The following SGMS1 variants were observed in gnomAD, a reference collection of about 807,000 sequenced individuals.
SGMS1 encodes phosphatidylcholine:ceramide cholinephosphotransferase 1.
Under a neutral mutation model 46.2 loss-of-function variants are expected in SGMS1, and 13 were observed. The ratio of observed to expected loss-of-function variants is 0.28; its 90% CI spans 0.18 to 0.45. SGMS1 has a LOEUF of 0.45. Ranked by LOEUF, SGMS1 falls within the 20% of genes least tolerant of loss-of-function variation. The pLI is 1.00. For missense variants in SGMS1, 324 were observed against 519.9 expected, an observed-to-expected ratio of 0.62 and a Z score of 3.66; for synonymous variants, 203 against 187.8, an observed-to-expected ratio of 1.08 and a Z score of -0.66.
chr10:50,358,310 A>G (rs550897399), intron 6 of SGMS1, among the ~76,000 whole-genome samples: 2 of 152,352 alleles, frequency 1.3e-5, no homozygotes, highest in East Asian at 3.9e-4. Flanking sequence ...TTAAAGGGCA[A>G]TACAAATCAA....
chr10:50,475,144 A>C (rs978588), intron 3 of SGMS1, among the ~76,000 whole-genome samples: 88,813 of 152,034 alleles, frequency 0.58, 26,026 homozygotes, highest in Admixed American at 0.67. Flanking sequence ...GTCAGTAATT[A>C]CAAATAATTC....
intron 6 of SGMS1, among the ~76,000 whole-genome samples, chr10:50,351,530 T>C (rs1378576435): frequency 6.6e-6 from 1 of 152,186 alleles, no homozygotes; most frequent in Admixed American, 6.5e-5. Context: ...TTCCCATGTA[T>C]TGTGACAGGG....
chr10:50,435,512 G>A (rs1435779478), intron 5 of SGMS1, among the ~76,000 whole-genome samples: 2 of 152,158 alleles, frequency 1.3e-5, no homozygotes, highest in Admixed American at 6.5e-5. Context: ...CTGATGAAAT[G>A]TTCAATACAA....
chr10:50,608,864 A>G (rs1365827283), intron 1 of SGMS1, among the ~76,000 whole-genome samples: 4 of 152,206 alleles, frequency 2.6e-5, no homozygotes, highest in African/African-American at 7.2e-5. Context: ...ATCATATAAG[A>G]TGGCATGATA....
Position 50,476,097 on chromosome 10 carries a change from CA to C in SGMS1, c.-497-9166del, listed in dbSNP as rs58641986. 7.5e-3 allele frequency among the ~76,000 whole-genome samples: 324 copies of C among 43,292 alleles called. 1 individual carries two copies. Among genetic ancestry groups the C allele is most frequent in the African/African-American group, 0.024 (289 of 12,218 alleles). 28.4% of individuals were successfully genotyped at this position (43,292 alleles called of 152,430 possible). A position where few individuals can be genotyped will look rare whatever the true frequency, so the allele number is the denominator to read the frequency against. ...TAAAATCTTGTCTTTACTAAAAATA[CA>C]AAAAAAAAAAAAAAAAAAAAAAAAA... On this transcript the variant is annotated intron_variant, in intron 3 of 10. Coordinates refer to ENST00000361781, the MANE Select transcript of SGMS1 (RefSeq NM_147156.4).
At chr10:50,515,440 A>T (rs189733882) in intron 3 of SGMS1, among the ~76,000 whole-genome samples, 14 of 152,346 alleles carry the variant, frequency 9.2e-5, no homozygotes, top group Admixed American at 8.5e-4. Context: ...CATGCAACTC[A>T]TAACCTTCAA....
At chr10:50,510,474 T>C (rs191921700) in intron 3 of SGMS1, among the ~76,000 whole-genome samples, 5 of 152,338 alleles carry the variant, frequency 3.3e-5, no homozygotes, top group Admixed American at 2.0e-4. Flanking sequence ...AAAGTGGCTA[T>C]ATCTTCTCAG....
At chr10:50,493,029 C>T (rs866810612) in intron 3 of SGMS1, among the ~76,000 whole-genome samples, 3 of 152,202 alleles carry the variant, frequency 2.0e-5, no homozygotes, top group Admixed American at 6.5e-5. Flanking sequence ...CAACGAACCT[C>T]GGGTATTACC....
At chr10:50,490,120 TAAG>T (rs1410627988) in intron 3 of SGMS1, among the ~76,000 whole-genome samples, 1 of 152,256 alleles carries the variant, frequency 6.6e-6, no homozygotes, top group Non-Finnish European at 1.5e-5. Flanking sequence ...TTTTTGACTT[TAAG>T]AAGGTCTTTG....
chr10:50,542,902 T>A (rs1466471922), intron 2 of SGMS1, among the ~76,000 whole-genome samples: 1 of 151,208 alleles, frequency 6.6e-6, no homozygotes, highest in African/African-American at 2.4e-5. Flanking sequence ...TCTCAGTTTG[T>A]TTTGTTTTTA....
chr10:50,388,193 A>G (rs2133497971), intron 6 of SGMS1, among the ~76,000 whole-genome samples: 1 of 152,206 alleles, frequency 6.6e-6, no homozygotes, highest in Admixed American at 6.5e-5. Flanking sequence ...ATCTCCAGGA[A>G]GTAGACCTGG....
intron 2 of SGMS1, among the ~76,000 whole-genome samples, chr10:50,560,537 T>C (rs186301521): frequency 9.7e-5 from 14 of 144,556 alleles, no homozygotes; most frequent in Non-Finnish European, 1.9e-4. Flanking sequence ...ATATAATACA[T>C]AATATTTATG....
chr10:50,615,148 T>C (rs895231281), intron 1 of SGMS1, among the ~76,000 whole-genome samples: 8 of 152,310 alleles, frequency 5.3e-5, no homozygotes, highest in South Asian at 2.1e-4. Context: ...CCACTGTCTT[T>C]CAGTATTTAC....
intron 8 of SGMS1, among the ~76,000 whole-genome samples, chr10:50,324,629 C>T (rs1369691087): frequency 2.0e-5 from 3 of 152,198 alleles, no homozygotes; most frequent in African/African-American, 7.2e-5. Flanking sequence ...ACCAAGCCTT[C>T]GAAGCCTTTC....
chr10:50,383,823 A>G (rs541522159), intron 6 of SGMS1, among the ~76,000 whole-genome samples: 1 of 152,358 alleles, frequency 6.6e-6, no homozygotes, highest in Admixed American at 6.5e-5. Flanking sequence ...ACTATGTAAT[A>G]GAAAGGGGCT....
At chr10:50,495,099 G>T (rs1300206248) in intron 3 of SGMS1, among the ~76,000 whole-genome samples, 8 of 133,158 alleles carry the variant, frequency 6.0e-5, no homozygotes, top group African/African-American at 2.3e-4. Context: ...TTAGCCGGAC[G>T]TGCTTGCAGG....
At chr10:50,612,644 C>A (rs1023998438) in intron 1 of SGMS1, among the ~76,000 whole-genome samples, 2 of 152,176 alleles carry the variant, frequency 1.3e-5, no homozygotes, top group East Asian at 3.8e-4. Flanking sequence ...GATAGAAAGT[C>A]GTTAATCTTC....
chr10:50,385,892 G>A (rs1459449305), intron 6 of SGMS1, among the ~76,000 whole-genome samples: 1 of 152,142 alleles, frequency 6.6e-6, no homozygotes, highest in Non-Finnish European at 1.5e-5. Flanking sequence ...CCCCTGTTAT[G>A]TGCTGTGAAG....
At chr10:50,352,147 A>G (rs577486126) in intron 6 of SGMS1, among the ~76,000 whole-genome samples, 1 of 152,336 alleles carries the variant, frequency 6.6e-6, no homozygotes, top group Admixed American at 6.5e-5. Context: ...GAAATTGTGC[A>G]AAAGAGGGAA....
Sources: allele counts gnomAD v4.1 joint callset (sites outside exome capture counted in the v4.1 genomes callset), GRCh38; gene constraint gnomAD v4.1.1; transcripts MANE v1.5; gene names NCBI Gene and HGNC (gene_info 2026-07-23, HGNC 2026-07-21).